The following WDFY4 variants were observed in gnomAD, a reference collection of about 807,000 sequenced individuals.
The protein encoded by WDFY4 is WDFY family member 4.
Under a neutral mutation model 351.9 loss-of-function variants are expected in WDFY4, and 169 were observed. The ratio of observed to expected loss-of-function variants is 0.48; its 90% CI spans 0.42 to 0.55. WDFY4 has a LOEUF of 0.55. WDFY4 is among the 20% of genes least tolerant of loss of function. The probability of loss-of-function intolerance (pLI) is 0.00; values close to 1 mark genes in which losing one functional copy is unlikely to be tolerated. For missense variants in WDFY4, 3,803 were observed against 3,935.6 expected, an observed-to-expected ratio of 0.97 and a Z score of 0.90; for synonymous variants, 1,622 against 1,574.6, an observed-to-expected ratio of 1.03 and a Z score of -0.71.
rs144267402 is a variant in WDFY4 at position 48,776,095 on chromosome 10, C to T, written c.2863+289C>T. ...GAGTTTCCTTCATGACACAGCAGTA[C>T]GTGGCGCTGCACTAGACAGAGGTGT... On this transcript the variant is annotated intron_variant, in intron 15 of 61. Transcript: ENST00000325239. Among the ~76,000 whole-genome samples the T allele has an allele frequency of 2.7e-3, 415 of 152,234 alleles. 2 individuals carry two copies. Among genetic ancestry groups the T allele is most frequent in the African/African-American group, 6.5e-3 (271 of 41,542 alleles).
At chr10:48,765,727 A>T (rs993777028) in intron 13 of WDFY4, among the ~76,000 whole-genome samples, 2 of 152,050 alleles carry the variant, frequency 1.3e-5, no homozygotes, top group African/African-American at 4.8e-5. Flanking sequence ...TACCTTTCTC[A>T]TAGGGAAGTG....
chr10:48,695,677 C>G (rs139746144), intron 1 of WDFY4, among the ~76,000 whole-genome samples: 85 of 152,192 alleles, frequency 5.6e-4, no homozygotes, highest in Middle Eastern at 6.8e-3. Flanking sequence ...GAGCCCTGAT[C>G]GGCTCCCAGT....
intron 39 of WDFY4, among the ~76,000 whole-genome samples, chr10:48,865,636 C>A (rs1564429286): frequency 1.3e-5 from 2 of 152,202 alleles, no homozygotes; most frequent in Admixed American, 1.3e-4. Flanking sequence ...TGAAAAACTG[C>A]CGTGAATTCT....
At chr10:48,949,985 T>C (rs755394190) in intron 51 of WDFY4, among the ~76,000 whole-genome samples, 5 of 152,198 alleles carry the variant, frequency 3.3e-5, no homozygotes, top group Non-Finnish European at 5.9e-5. Flanking sequence ...ACCTGGATGG[T>C]GCTAAGTACC....
In WDFY4 at chr10:48,810,617, G is replaced by A. The variant is rs1360980026; in HGVS notation, c.4926G>A (p.Leu1642=). ...ACCTGCATGCCAGCACCACTGTGCTGGCATTGAAGCTGCTGCTGTACTTTC... is the reference window on the plus strand; with the variant it reads ...ACCTGCATGCCAGCACCACTGTGCTAGCATTGAAGCTGCTGCTGTACTTTC... The part of the protein sequence containing the change: ...QGHLHASTTV[L]ALKLLLYFLA... Residue 1642 remains leucine, a synonymous_variant, in exon 29 of 62, where the codon CTG becomes CTA. Coordinates refer to ENST00000325239, the MANE Select transcript of WDFY4 (RefSeq NM_001394531.1). 1 of 1,551,544 alleles carries A rather than the reference G, an allele frequency of 6.4e-7. No homozygotes were observed. Among genetic ancestry groups the A allele is most frequent in the Non-Finnish European group, 8.7e-7 (1 of 1,146,980 alleles).
intron 47 of WDFY4, among the ~76,000 whole-genome samples, chr10:48,914,865 A>C (rs1326813541): frequency 1.3e-5 from 2 of 152,180 alleles, no homozygotes; most frequent in African/African-American, 4.8e-5. Flanking sequence ...TCATGAGCAC[A>C]CAGGGGGATG....
intron 1 of WDFY4, among the ~76,000 whole-genome samples, chr10:48,687,849 T>A (rs1230138191): frequency 6.6e-6 from 1 of 151,224 alleles, no homozygotes; most frequent in East Asian, 1.9e-4. Flanking sequence ...TGGTGCGATC[T>A]CAGCTCACTG....
chr10:48,981,236 C>T (rs144969209), intron 60 of WDFY4, 131 bp from the exon 61 acceptor site: 290 of 739,444 alleles, frequency 3.9e-4, no homozygotes, highest in Middle Eastern at 2.8e-3. Context: ...TATATTTCCC[C>T]CTCAATTTAA....
In WDFY4 at chr10:48,790,838, C is replaced by T. The variant is rs1025849251; in HGVS notation, c.4178C>T (p.Ala1393Val). 1.8e-5 allele frequency: 28 copies of T among 1,551,630 alleles called. No individual in the cohort carries two copies. Among genetic ancestry groups the T allele is most frequent in the East Asian group, 7.3e-5 (3 of 40,936 alleles). Residue 1393 changes from alanine (A) to valine (V), a missense_variant, in exon 23 of 62, where the codon GCG (alanine) becomes GTG (valine). Physicochemically the swap from Ala to Val is moderately conservative, Grantham distance 64. Coordinates refer to ENST00000325239, the MANE Select transcript of WDFY4 (RefSeq NM_001394531.1). ...SLATDDHTMY[A>V]AVKVLHSVLT... ...GCGACAGATGACCATACCATGTATG[C>T]GGCTGTGAAAGTTCTGCACTCGGTC...
chr10:48,837,074 C>T (rs1247349681), intron 39 of WDFY4, among the ~76,000 whole-genome samples: 1 of 152,068 alleles, frequency 6.6e-6, no homozygotes, highest in Admixed American at 6.5e-5. Context: ...AAACTCTCTA[C>T]TATCTTTGTA....
intron 51 of WDFY4, among the ~76,000 whole-genome samples, chr10:48,952,242 C>T (rs1399679607): frequency 1.3e-5 from 2 of 152,178 alleles, no homozygotes; most frequent in South Asian, 2.1e-4. Context: ...GCCTGCAGCT[C>T]AGCCCCTGCC....
chr10:48,918,198 A>G (rs554900633), intron 47 of WDFY4, among the ~76,000 whole-genome samples: 1 of 152,354 alleles, frequency 6.6e-6, no homozygotes, highest in African/African-American at 2.4e-5. Flanking sequence ...ACAGACAACA[A>G]CTATTAAAAT....
intron 44 of WDFY4, among the ~76,000 whole-genome samples, chr10:48,894,976 C>T (rs1457717683): frequency 6.6e-6 from 1 of 152,208 alleles, no homozygotes; most frequent in Non-Finnish European, 1.5e-5. Context: ...AGCATCCTGG[C>T]AGAAGCATTC....
At chr10:48,890,075 G>A (rs2133364956) in intron 43 of WDFY4, among the ~76,000 whole-genome samples, 1 of 152,360 alleles carries the variant, frequency 6.6e-6, no homozygotes. Flanking sequence ...TGCATCTTCT[G>A]CACATGTTTC....
chr10:48,969,871 C>G lies in WDFY4; in HGVS notation c.8770-260C>G, dbSNP rs557456660. Among the ~76,000 whole-genome samples, 334 of 152,316 alleles carry G rather than the reference C, an allele frequency of 2.2e-3. 1 individual carries two copies. Among genetic ancestry groups the G allele is most frequent in the African/African-American group, 7.7e-3 (321 of 41,566 alleles). On this transcript the variant is annotated intron_variant, in intron 56 of 61. Transcript: ENST00000325239. Reference sequence around the variant, plus strand: ...CCCCACATGTCCTCCCTCCTGACCCCCAAGCTAAGCCACCCCGTGCTGGTG... The same window carrying G: ...CCCCACATGTCCTCCCTCCTGACCCGCAAGCTAAGCCACCCCGTGCTGGTG...
intron 47 of WDFY4, among the ~76,000 whole-genome samples, chr10:48,907,457 T>C (rs1564469558): frequency 6.6e-6 from 1 of 152,214 alleles, no homozygotes; most frequent in Non-Finnish European, 1.5e-5. Flanking sequence ...TCTTCATATA[T>C]AATGTTTAGA....
chr10:48,879,243 C>T lies in WDFY4; in HGVS notation c.7167+2044C>T, dbSNP rs540622400. Among the ~76,000 whole-genome samples, 11 of 152,340 alleles carry T rather than the reference C, an allele frequency of 7.2e-5. No homozygotes were observed. The South Asian group carries it at 2.3e-3, about 32-fold the overall frequency. ...ACTCTACCCCACAAGGAACCCTTGCCAATGTCTGGAGACATTTTTAATTGC... is the reference window on the plus strand; with the variant it reads ...ACTCTACCCCACAAGGAACCCTTGCTAATGTCTGGAGACATTTTTAATTGC... On this transcript the variant is annotated intron_variant, in intron 43 of 61. Transcript: ENST00000325239.
intron 47 of WDFY4, among the ~76,000 whole-genome samples, chr10:48,936,023 T>C (rs1194968075): frequency 2.6e-5 from 4 of 152,154 alleles, no homozygotes; most frequent in Non-Finnish European, 5.9e-5. Flanking sequence ...TTTGAAAATG[T>C]ATATGCAGAA....
At chr10:48,822,992 C>T (rs950527847) in intron 35 of WDFY4, among the ~76,000 whole-genome samples, 3 of 152,150 alleles carry the variant, frequency 2.0e-5, no homozygotes, top group Non-Finnish European at 2.9e-5. Context: ...CTATTTTAAC[C>T]TTGTCTTTTT....
Sources: allele counts gnomAD v4.1 joint callset (sites outside exome capture counted in the v4.1 genomes callset), GRCh38; gene constraint gnomAD v4.1.1; transcripts MANE v1.5; gene names NCBI Gene and HGNC (gene_info 2026-07-23, HGNC 2026-07-21).